Variants in CCDC6 observed in about 807,000 individuals in gnomAD.
The protein encoded by CCDC6 is coiled-coil domain containing 6.
A neutral mutation model predicts 56.6 loss-of-function variants in CCDC6; 20 were observed. That is an observed-to-expected ratio of 0.35 (90% CI 0.25 to 0.51). The LOEUF is 0.51. Ranked by LOEUF, CCDC6 falls within the 20% of genes least tolerant of loss-of-function variation. The probability of loss-of-function intolerance (pLI) is 0.95; values close to 1 mark genes in which losing one functional copy is unlikely to be tolerated. For missense variants in CCDC6, 367 were observed against 601.1 expected (o/e 0.61, Z 4.07); for synonymous variants, 241 against 234.4 (o/e 1.03, Z -0.26).
At chr10:59,868,624 CTT>C (rs1196492468) in intron 1 of CCDC6, among the ~76,000 whole-genome samples, 1 of 152,208 alleles carries the variant, frequency 6.6e-6, no homozygotes, top group Non-Finnish European at 1.5e-5. Context: ...TCTAATTTAA[CTT>C]TATTCTTCAC....
intron 1 of CCDC6, among the ~76,000 whole-genome samples, chr10:59,876,398 C>T (rs760319864): frequency 2.0e-5 from 3 of 151,858 alleles, no homozygotes; most frequent in Non-Finnish European, 4.4e-5. Context: ...GCCCAGCTGC[C>T]TCACTAAATA....
chr10:59,900,432 C>T (rs569578203), intron 1 of CCDC6, among the ~76,000 whole-genome samples: 1 of 152,156 alleles, frequency 6.6e-6, no homozygotes, highest in African/African-American at 2.4e-5. Flanking sequence ...AGGAAATCTA[C>T]TGAAGTTCTG....
intron 3 of CCDC6, among the ~76,000 whole-genome samples, chr10:59,819,764 A>G (rs2070736939): frequency 6.6e-6 from 1 of 152,164 alleles, no homozygotes; most frequent in African/African-American, 2.4e-5. Context: ...ATTGGTGTTC[A>G]TGCAATACGT....
Position 59,853,585 on chromosome 10 carries a change from C to T in CCDC6, c.304-883G>A, listed in dbSNP as rs189140082. Among the ~76,000 whole-genome samples the T allele has an allele frequency of 2.6e-5, 4 of 151,072 alleles. No homozygotes were observed. In the East Asian group the frequency reaches 7.8e-4, roughly 29 times the overall value. On this transcript the variant is annotated intron_variant, in intron 1 of 8. Transcript: ENST00000263102. ...AAGGCATTACAAATGTACATGGACA[C>T]GTGTTCACTGAATAGCTGAATAATT... is the stretch of plus-strand genomic sequence containing the variant.
intron 5 of CCDC6, among the ~76,000 whole-genome samples, chr10:59,808,045 A>T (rs1589036377): frequency 6.6e-6 from 1 of 152,312 alleles, no homozygotes; most frequent in East Asian, 1.9e-4. Flanking sequence ...ACACACACGT[A>T]GCGGCAGAGG....
chr10:59,899,123 T>C (rs1471654896), intron 1 of CCDC6, among the ~76,000 whole-genome samples: 1 of 152,132 alleles, frequency 6.6e-6, no homozygotes. Context: ...GTAGGAAGAA[T>C]CTGCAAGTTA....
At chr10:59,814,176 C>T (rs937593782) in intron 4 of CCDC6, among the ~76,000 whole-genome samples, 2 of 152,098 alleles carry the variant, frequency 1.3e-5, no homozygotes, top group Admixed American at 1.3e-4. Context: ...GAATCCTAGC[C>T]TTAAGTATGT....
At position 59,792,760 on chromosome 10, in the gene CCDC6, T is replaced by C; in HGVS notation, c.*157A>G. 1.2e-6 allele frequency: 1 copy of C among 859,338 alleles called. No individual in the cohort carries two copies. The highest frequency in any genetic ancestry group is 2.0e-6 in the Non-Finnish European group (1 of 502,244). 53.2% of individuals were successfully genotyped at this position (859,338 alleles called of 1,614,324 possible). A position where few individuals can be genotyped will look rare whatever the true frequency, so the allele number is the denominator to read the frequency against. On this transcript the variant is annotated 3_prime_UTR_variant, in exon 9 of 9. Transcript: ENST00000263102. ...TTGTAGACCCACAACACTGGCTGCA[T>C]TTCTGACAAACATTTACAACACAAT...
intron 3 of CCDC6, among the ~76,000 whole-genome samples, chr10:59,818,841 AAC>A (rs147240737): frequency 0.017 from 2,634 of 152,362 alleles, 96 homozygotes; most frequent in African/African-American, 0.06. Context: ...TAATCATACA[AAC>A]ACATGAAAAT....
chr10:59,871,564 G>A (rs1227494467), intron 1 of CCDC6, among the ~76,000 whole-genome samples: 1 of 151,482 alleles, frequency 6.6e-6, no homozygotes, highest in African/African-American at 2.4e-5. Context: ...GGGGCCCCAA[G>A]GTTCCATTGA....
chr10:59,816,378 C>T (rs2070709802), intron 3 of CCDC6, among the ~76,000 whole-genome samples: 1 of 152,104 alleles, frequency 6.6e-6, no homozygotes. Context: ...AACAACTGGC[C>T]ATTTGAATAT....
intron 2 of CCDC6, among the ~76,000 whole-genome samples, chr10:59,835,737 T>C (rs2070876672): frequency 6.6e-6 from 1 of 152,150 alleles, no homozygotes; most frequent in African/African-American, 2.4e-5. Context: ...AATATAGTTC[T>C]TCCTGGAACA....
intron 3 of CCDC6, among the ~76,000 whole-genome samples, chr10:59,824,189 A>AT (rs1048907668): frequency 1.3e-5 from 2 of 151,902 alleles, no homozygotes; most frequent in Admixed American, 6.6e-5. Context: ...ATTCTGGGGG[A>AT]TTTTTTTCCT....
chr10:59,850,730 T>G (rs2071031847), intron 2 of CCDC6, among the ~76,000 whole-genome samples: 1 of 152,176 alleles, frequency 6.6e-6, no homozygotes, highest in South Asian at 2.1e-4. Flanking sequence ...AACTACTGTT[T>G]TAGATATAAG....
chr10:59,858,620 C>G (rs2071098512), intron 1 of CCDC6, among the ~76,000 whole-genome samples: 1 of 152,174 alleles, frequency 6.6e-6, no homozygotes, highest in Admixed American at 6.5e-5. Flanking sequence ...CTGCAGTGGA[C>G]AGACACATGT....
chr10:59,836,721 A>T (rs1056785345), intron 2 of CCDC6, among the ~76,000 whole-genome samples: 1 of 152,260 alleles, frequency 6.6e-6, no homozygotes, highest in Admixed American at 6.5e-5. Context: ...GAACAGTTTT[A>T]TAACCCTTAT....
chr10:59,822,116 T>C (rs1234947122), intron 3 of CCDC6, among the ~76,000 whole-genome samples: 3 of 152,224 alleles, frequency 2.0e-5, no homozygotes, highest in Admixed American at 6.5e-5. Flanking sequence ...ATTTTCCAGA[T>C]AGCTCAGAGT....
At chr10:59,867,565 TG>T (rs2071187887) in intron 1 of CCDC6, among the ~76,000 whole-genome samples, 2 of 152,176 alleles carry the variant, frequency 1.3e-5, no homozygotes, top group South Asian at 2.1e-4. Flanking sequence ...ATCATTTGTT[TG>T]TTTCTGAGAC....
In CCDC6 at chr10:59,830,487, G is replaced by T. The variant is rs139857050; in HGVS notation, c.582+2038C>A. ...CCCAGTCACACCCAAAGCAAAGTGGGGGAAATTTTTATGACAATGTTAAAT... is the reference window on the plus strand; with the variant it reads ...CCCAGTCACACCCAAAGCAAAGTGGTGGAAATTTTTATGACAATGTTAAAT... On this transcript the variant is annotated intron_variant, in intron 3 of 8. Coordinates refer to ENST00000263102, the MANE Select transcript of CCDC6 (RefSeq NM_005436.5). Among the ~76,000 whole-genome samples the T allele has an allele frequency of 1.5e-3, 235 of 152,192 alleles. 2 individuals carry two copies. Among genetic ancestry groups the T allele is most frequent in the African/African-American group, 5.5e-3 (227 of 41,502 alleles).
Sources: gnomAD v4.1 joint callset for allele counts (sites outside exome capture counted in the v4.1 genomes callset) on GRCh38, gnomAD v4.1.1 for gene constraint, MANE v1.5 for transcripts, NCBI Gene and HGNC (gene_info 2026-07-23, HGNC 2026-07-21) for gene names.